Variants in RBMS3 observed in about 807,000 individuals in gnomAD.
RBMS3 encodes the protein RNA-binding motif, single-stranded-interacting protein 3.
In RBMS3, 27 loss-of-function variants were observed where a neutral mutation model predicts 66.8. The observed-to-expected ratio is 0.40, with a 90% confidence interval of 0.30 to 0.56. The LOEUF (loss-of-function observed/expected upper bound fraction) is 0.56. RBMS3 is among the 20% of genes least tolerant of loss of function. RBMS3 has a pLI of 0.40. For missense variants in RBMS3, 513 were observed against 549.5 expected, an observed-to-expected ratio of 0.93 and a Z score of 0.66; for synonymous variants, 188 against 183.0, an observed-to-expected ratio of 1.03 and a Z score of -0.22.
chr3:29,928,199 T>TACACAC (rs1201815567), intron 10 of RBMS3, among the ~76,000 whole-genome samples: 34 of 106,712 alleles, frequency 3.2e-4, no homozygotes, highest in African/African-American at 1.1e-3. Context: ...TATATATATA[T>TACACAC]ATATATATAT....
intron 12 of RBMS3, among the ~76,000 whole-genome samples, chr3:29,979,016 C>T (rs1480043142): frequency 6.6e-6 from 1 of 152,016 alleles, no homozygotes; most frequent in African/African-American, 2.4e-5. Flanking sequence ...CATGTAGTCC[C>T]AGCTACTTGG....
intron 6 of RBMS3, among the ~76,000 whole-genome samples, chr3:29,845,384 GC>G (rs773993699): frequency 5.3e-5 from 8 of 152,114 alleles, no homozygotes; most frequent in Non-Finnish European, 7.4e-5. Context: ...ATAAAGTGCT[GC>G]CATTTAGTAA....
At chr3:29,873,797 G>A (rs1376699928) in intron 7 of RBMS3, among the ~76,000 whole-genome samples, 1 of 152,168 alleles carries the variant, frequency 6.6e-6, no homozygotes, top group African/African-American at 2.4e-5. Flanking sequence ...TTAAGATGAA[G>A]CAATGTTGAA....
Position 29,997,203 on chromosome 3 carries a change from T to C in RBMS3, c.1307+5994T>C, listed in dbSNP as rs377094154. 3.2e-4 allele frequency among the ~76,000 whole-genome samples: 49 copies of C among 152,056 alleles called. No homozygotes were observed. In the East Asian group the frequency reaches 8.3e-3, roughly 26 times the overall value. ...TAAATTCCTGGACACATACACTCTCTCAAGACTAAACCAGGAAGAAGTTGA... is the reference window on the plus strand; with the variant it reads ...TAAATTCCTGGACACATACACTCTCCCAAGACTAAACCAGGAAGAAGTTGA... On this transcript the variant is annotated intron_variant, in intron 14 of 14. Transcript: ENST00000383767.
intron 3 of RBMS3, among the ~76,000 whole-genome samples, chr3:29,583,052 A>G (rs1437586151): frequency 2.6e-5 from 4 of 152,142 alleles, no homozygotes; most frequent in Non-Finnish European, 5.9e-5. Flanking sequence ...AACCATCAAT[A>G]CAGATATTTT....
chr3:29,341,950 A>G (rs959500508), intron 1 of RBMS3, among the ~76,000 whole-genome samples: 1 of 152,148 alleles, frequency 6.6e-6, no homozygotes, highest in Non-Finnish European at 1.5e-5. Context: ...CTGACGGGAC[A>G]CATATTCTCT....
At chr3:29,704,857 CAA>C (rs1191700212) in intron 4 of RBMS3, among the ~76,000 whole-genome samples, 3 of 152,180 alleles carry the variant, frequency 2.0e-5, no homozygotes, top group Non-Finnish European at 2.9e-5. Context: ...GGTTTACCCA[CAA>C]AAATACTTTT....
intron 4 of RBMS3, among the ~76,000 whole-genome samples, chr3:29,599,472 A>G (rs1420561581): frequency 6.6e-6 from 1 of 152,058 alleles, no homozygotes; most frequent in Non-Finnish European, 1.5e-5. Context: ...CAGTGAGTAC[A>G]TCATCCAGAA....
At chr3:29,364,252 G>T (rs993299233) in intron 1 of RBMS3, among the ~76,000 whole-genome samples, 1 of 152,108 alleles carries the variant, frequency 6.6e-6, no homozygotes. Context: ...ATTGATTTGT[G>T]AGTATATATT....
rs560325267 is a variant in RBMS3, at chr3:29,930,168, G to C, written c.940-5918G>C. On this transcript the variant is annotated intron_variant, in intron 10 of 14. Coordinates refer to ENST00000383767, the MANE Select transcript of RBMS3 (RefSeq NM_001003793.3). The stretch of plus-strand genomic sequence containing the variant: ...GCTCTGTCTCCCAGGCTGGAGTGCA[G>C]TGGCATGATCTTGGCTCACTGCAAG... Among the ~76,000 whole-genome samples, 203 of 120,562 alleles carry C rather than the reference G, an allele frequency of 1.7e-3. 3 individuals carry two copies. Among genetic ancestry groups the C allele is most frequent in the African/African-American group, 5.4e-3 (181 of 33,788 alleles). The allele number at this position is 120,562 out of a possible 152,430, so 79.1% of individuals were successfully genotyped here. A position where few individuals can be genotyped will look rare whatever the true frequency, so the allele number is the denominator to read the frequency against.
At chr3:29,711,128 T>C (rs2053147287) in intron 4 of RBMS3, among the ~76,000 whole-genome samples, 1 of 152,154 alleles carries the variant, frequency 6.6e-6, no homozygotes, top group Admixed American at 6.5e-5. Flanking sequence ...GTTTAATTTA[T>C]AAATTAGGCA....
chr3:29,798,594 G>T (rs1402897060), intron 6 of RBMS3, among the ~76,000 whole-genome samples: 1 of 152,136 alleles, frequency 6.6e-6, no homozygotes, highest in Non-Finnish European at 1.5e-5. Flanking sequence ...GGAATAGGAG[G>T]TGTTTCCTAG....
In RBMS3 at chr3:29,734,142, C is replaced by T. The variant is rs140863555; in HGVS notation, c.400-5578C>T. Among the ~76,000 whole-genome samples, 551 of 152,108 alleles carry T rather than the reference C, an allele frequency of 3.6e-3. 2 individuals are homozygous for T. The highest frequency in any genetic ancestry group is 0.012 in the African/African-American group (519 of 41,522). On this transcript the variant is annotated intron_variant, in intron 4 of 14. Transcript: ENST00000383767. ...TATGTTAAGTGAAACAAGTCAGGCACACAGGAAGATAAATACCACATGTTC... is the reference window on the plus strand; with the variant it reads ...TATGTTAAGTGAAACAAGTCAGGCATACAGGAAGATAAATACCACATGTTC...
At chr3:29,405,294 T>G (rs1409278194) in intron 1 of RBMS3, among the ~76,000 whole-genome samples, 1 of 152,210 alleles carries the variant, frequency 6.6e-6, no homozygotes, top group African/African-American at 2.4e-5. Context: ...GTTTACGCTT[T>G]TGAATGCTAA....
chr3:29,971,905 A>C (rs1697253194), intron 12 of RBMS3, among the ~76,000 whole-genome samples: 1 of 152,158 alleles, frequency 6.6e-6, no homozygotes, highest in Non-Finnish European at 1.5e-5. Context: ...GTTTGAACAC[A>C]GTGGAAACAA....
chr3:29,340,916 A>G (rs1311300740), intron 1 of RBMS3, among the ~76,000 whole-genome samples: 1 of 152,056 alleles, frequency 6.6e-6, no homozygotes, highest in African/African-American at 2.4e-5. Flanking sequence ...ATAAAATGCT[A>G]TCTGTAATGC....
chr3:29,956,049 A>G (rs1367444065), intron 12 of RBMS3, among the ~76,000 whole-genome samples: 2 of 152,094 alleles, frequency 1.3e-5, no homozygotes, highest in African/African-American at 2.4e-5. Flanking sequence ...ATCTGTCAAG[A>G]GCCACAACTC....
chr3:29,742,104 G>A (rs943974283), intron 5 of RBMS3, among the ~76,000 whole-genome samples: 4 of 152,152 alleles, frequency 2.6e-5, no homozygotes, highest in Non-Finnish European at 2.9e-5. Context: ...TACAATGAGA[G>A]TTTGCTTAAA....
chr3:29,753,142 G>T (rs2055256079), intron 5 of RBMS3, among the ~76,000 whole-genome samples: 1 of 152,182 alleles, frequency 6.6e-6, no homozygotes, highest in African/African-American at 2.4e-5. Context: ...GTATTGATTA[G>T]ATTACTAACC....
Sources: allele counts gnomAD v4.1 joint callset (sites outside exome capture counted in the v4.1 genomes callset), GRCh38; gene constraint gnomAD v4.1.1; transcripts MANE v1.5; gene names NCBI Gene and HGNC (gene_info 2026-07-23, HGNC 2026-07-21).